Variants in ATP11C observed in about 807,000 individuals in gnomAD.
The protein encoded by ATP11C is ATPase phospholipid transporting 11C (ATP11C blood group).
Under a neutral mutation model 97.4 loss-of-function variants are expected in ATP11C, and 36 were observed. The observed-to-expected ratio is 0.37, with a 90% CI of 0.28 to 0.49. The LOEUF is 0.49. ATP11C is among the 20% of genes least tolerant of loss of function. The pLI is 0.98. For missense variants in ATP11C, 730 were observed against 824.6 expected, an observed-to-expected ratio of 0.89 and a Z score of 1.40; for synonymous variants, 275 against 290.9, an observed-to-expected ratio of 0.95 and a Z score of 0.56.
intron 1 of ATP11C, among the ~76,000 whole-genome samples, chrX:139,915,132 T>TA (rs1240970458): frequency 9.0e-6 from 1 of 111,545 alleles, no homozygotes; most frequent in Non-Finnish European, 1.9e-5. Flanking sequence ...AGTAAAATTT[T>TA]AAAAAAGATT....
At chrX:139,846,308 T>C (rs2083907982) in intron 1 of ATP11C, among the ~76,000 whole-genome samples, 1 of 112,163 alleles carries the variant, frequency 8.9e-6, no homozygotes, top group Non-Finnish European at 1.9e-5. Context: ...TATAAGACTT[T>C]GTGGTATCAG....
At chrX:139,743,527 T>C (rs1222882727) in intron 26 of ATP11C, 32 bp downstream of exon 26, 1 of 979,715 alleles carries the variant, frequency 1.0e-6, no homozygotes, top group Non-Finnish European at 1.4e-6. Flanking sequence ...AAAAACAGTA[T>C]TAAAAAATAC....
rs931420874 is a variant in ATP11C, at chrX:139,796,369, G to T, written c.1110C>A (p.Gly370=). The stretch of plus-strand genomic sequence containing the variant: ...CCTTATCCCATGAGATGAAGAAGGA[G>T]CCCAAGAATTTCTGCATTTCTACTG... The part of the protein sequence containing the change: ...YVTVEMQKFL[G]SFFISWDKDF... The change falls in exon 12 of 30, where the codon GGC becomes GGA. Residue 370 remains glycine (G), a synonymous_variant. Coordinates refer to ENST00000682941, the MANE Select transcript of ATP11C (RefSeq NM_001353812.2). 2.5e-6 allele frequency: 3 copies of T among 1,201,411 alleles called. No homozygotes were observed. In the African/African-American group the frequency reaches 5.3e-5, roughly 21 times the overall value.
Position 139,932,188 on chromosome X carries a change from C to T in ATP11C, c.-146G>A. ...GGGCCACCCGCTCGCCGCCTGCCCC[C>T]CTCGGCTCTCCGCGCTCCCCCGCCC... On this transcript the variant is annotated 5_prime_UTR_variant, in exon 1 of 30. Coordinates refer to ENST00000682941, the MANE Select transcript of ATP11C (RefSeq NM_001353812.2). The T allele has an allele frequency of 5.6e-6, 2 of 357,112 alleles. No homozygotes were observed. Among genetic ancestry groups the T allele is most frequent in the Non-Finnish European group, 7.6e-6 (2 of 264,072 alleles). 29.4% of individuals were successfully genotyped at this position (357,112 alleles called of 1,213,427 possible).
At chrX:139,760,463 T>C (rs1191325352) in intron 22 of ATP11C, among the ~76,000 whole-genome samples, 1 of 111,942 alleles carries the variant, frequency 8.9e-6, no homozygotes, top group Non-Finnish European at 1.9e-5. Flanking sequence ...GGGTTGACTA[T>C]AGACAACTGA....
At chrX:139,740,963 T>C (rs760448903) in intron 27 of ATP11C, 28 bp downstream of exon 27, 1 of 961,232 alleles carries the variant, frequency 1.0e-6, no homozygotes, top group Non-Finnish European at 1.5e-6. Flanking sequence ...GCTATTTACA[T>C]ATTGCTCACA....
intron 26 of ATP11C, among the ~76,000 whole-genome samples, chrX:139,741,634 A>G (rs1269143374): frequency 8.9e-6 from 1 of 111,902 alleles, no homozygotes; most frequent in African/African-American, 3.2e-5. Flanking sequence ...TGTAGCAATG[A>G]ATCATGGGTT....
chrX:139,869,815 ATAATAT>A (rs2084343498), intron 1 of ATP11C, among the ~76,000 whole-genome samples: 1 of 101,014 alleles, frequency 9.9e-6, no homozygotes, highest in Admixed American at 1.1e-4. Flanking sequence ...AATAATAATA[ATAATAT>A]AATATAATAA....
At chrX:139,751,785 TAA>T (rs748838014) in intron 23 of ATP11C, among the ~76,000 whole-genome samples, 22 of 98,928 alleles carry the variant, frequency 2.2e-4, no homozygotes, top group African/African-American at 1.8e-4. Flanking sequence ...TCCTTTTCAT[TAA>T]AAAAAAAAAA....
intron 1 of ATP11C, among the ~76,000 whole-genome samples, chrX:139,921,275 C>G (rs751214099): frequency 1.1e-4 from 12 of 111,259 alleles, no homozygotes; most frequent in Non-Finnish European, 2.3e-4. Context: ...AGGGAGAGAC[C>G]AGGTGGAGGC....
At chrX:139,929,471 G>A (rs1303347368) in intron 1 of ATP11C, among the ~76,000 whole-genome samples, 1 of 111,732 alleles carries the variant, frequency 8.9e-6, no homozygotes, top group Non-Finnish European at 1.9e-5. Context: ...AAACACAACT[G>A]AGCTATAGAA....
At chrX:139,921,048 G>A (rs1012356020) in intron 1 of ATP11C, among the ~76,000 whole-genome samples, 6 of 111,655 alleles carry the variant, frequency 5.4e-5, no homozygotes, top group Admixed American at 9.6e-5. Context: ...TGAGCTACTA[G>A]GAGGGGGATG....
At chrX:139,822,774 G>A (rs895050004) in intron 2 of ATP11C, among the ~76,000 whole-genome samples, 7 of 108,695 alleles carry the variant, frequency 6.4e-5, no homozygotes, top group Admixed American at 1.9e-4. Context: ...GGCTGGTCTC[G>A]AACTTCACCC....
At chrX:139,893,214 T>G (rs1054861978) in intron 1 of ATP11C, among the ~76,000 whole-genome samples, 1 of 110,650 alleles carries the variant, frequency 9.0e-6, no homozygotes, top group Non-Finnish European at 1.9e-5. Flanking sequence ...AATTTTTGGG[T>G]TTTTTTGTTT....
intron 28 of ATP11C, among the ~76,000 whole-genome samples, chrX:139,734,690 T>C (rs759685778): frequency 2.7e-5 from 3 of 111,472 alleles, no homozygotes; most frequent in Non-Finnish European, 5.7e-5. Context: ...TCAATGGTAG[T>C]TTCATCATAT....
Position 139,768,381 on chromosome X carries a change from G to A in ATP11C, c.2270C>T (p.Ser757Leu). Residue 757 changes from serine to leucine, a missense_variant, in exon 20 of 30, where the codon TCA becomes TTA. Transcript: ENST00000682941. ...GTCTTGACTAGAATTTAGTATGAGT[G>A]ACAATGTGGAGCCATCTATGATTAA... ...YGLIIDGSTL[S>L]LILNSSQDSS... 1 of 1,166,354 alleles carries A rather than the reference G, an allele frequency of 8.6e-7. No homozygotes were observed. Among genetic ancestry groups the A allele is most frequent in the Non-Finnish European group, 1.1e-6 (1 of 870,594 alleles).
At chrX:139,872,306 T>C (rs958546727) in intron 1 of ATP11C, among the ~76,000 whole-genome samples, 6 of 106,812 alleles carry the variant, frequency 5.6e-5, no homozygotes, top group Non-Finnish European at 9.7e-5. Flanking sequence ...GGGGTGGAAC[T>C]GTATCTTCAA....
chrX:139,930,991 CCTTTTTCCTAACTA>C (rs2148197822), intron 1 of ATP11C, among the ~76,000 whole-genome samples: 2 of 112,218 alleles, frequency 1.8e-5, no homozygotes, highest in South Asian at 7.4e-4. Context: ...AGCTTTCAAC[CCTTTTTCCTAACTA>C]CAGAAAAATC....
At chrX:139,901,553 G>A (rs778975261) in intron 1 of ATP11C, among the ~76,000 whole-genome samples, 25 of 111,730 alleles carry the variant, frequency 2.2e-4, no homozygotes, top group Non-Finnish European at 3.9e-4. Flanking sequence ...TGGTAGCCCC[G>A]TGGGGAGGCT....
Sources: gnomAD v4.1 joint callset for allele counts (sites outside exome capture counted in the v4.1 genomes callset) on GRCh38, gnomAD v4.1.1 for gene constraint, MANE v1.5 for transcripts, NCBI Gene and HGNC (gene_info 2026-07-23, HGNC 2026-07-21) for gene names.